DENND1A: variants seen among roughly 807,000 people sequenced by gnomAD.
DENND1A encodes the protein DENN domain containing 1A.
Under a neutral mutation model 113.7 loss-of-function variants are expected in DENND1A, and 51 were observed. The ratio of observed to expected loss-of-function variants is 0.45; its 90% CI spans 0.36 to 0.57. DENND1A has a LOEUF of 0.57. Among genes scored for constraint, DENND1A ranks in the 20% least tolerant of loss-of-function variants. The pLI, the probability that DENND1A is intolerant of heterozygous loss-of-function variation, is 0.00. For synonymous variants in DENND1A, 565 were observed against 570.8 expected (o/e 0.99, Z 0.14); for missense variants, 1,258 against 1,395.9 (o/e 0.90, Z 1.57).
At chr9:123,432,786 C>T (rs370791177) in intron 19 of DENND1A, among the ~76,000 whole-genome samples, 1 of 152,242 alleles carries the variant, frequency 6.6e-6, no homozygotes, top group African/African-American at 2.4e-5. Flanking sequence ...CCCCATAGCC[C>T]CTTCTTTCCA....
intron 2 of DENND1A, among the ~76,000 whole-genome samples, chr9:123,808,183 GC>G (rs1477651241): frequency 6.6e-6 from 1 of 152,016 alleles, no homozygotes; most frequent in East Asian, 1.9e-4. Context: ...CTGAGATCAT[GC>G]CATTGTACCC....
intron 13 of DENND1A, among the ~76,000 whole-genome samples, chr9:123,530,447 A>C (rs148144946): frequency 2.0e-4 from 31 of 152,322 alleles, no homozygotes; most frequent in African/African-American, 5.5e-4. Flanking sequence ...TCATACCCAG[A>C]TAAACTATCC....
chr9:123,487,704 C>CT (rs1245104554), intron 13 of DENND1A, among the ~76,000 whole-genome samples: 1 of 152,096 alleles, frequency 6.6e-6, no homozygotes, highest in Non-Finnish European at 1.5e-5. Flanking sequence ...TACACAATGT[C>CT]CTGCAGAATC....
intron 11 of DENND1A, 49 bp from the exon 12 acceptor site, chr9:123,583,319 A>G (rs779506395): frequency 7.2e-7 from 1 of 1,392,926 alleles, no homozygotes; most frequent in South Asian, 1.2e-5. Flanking sequence ...GGTGCCATCA[A>G]GACACACTTC....
At chr9:123,609,401 G>T (rs749723653) in intron 11 of DENND1A, 35 bp downstream of exon 11, 1 of 1,609,002 alleles carries the variant, frequency 6.2e-7, no homozygotes, top group Non-Finnish European at 8.5e-7. Flanking sequence ...AAAGCCCCAG[G>T]TAGAGCCATC....
In DENND1A at chr9:123,861,033, A is replaced by C. The variant is rs193027493; in HGVS notation, c.88+17918T>G. Among the ~76,000 whole-genome samples the C allele has an allele frequency of 4.7e-4, 72 of 152,342 alleles. 1 individual carries two copies. Among genetic ancestry groups the C allele is most frequent in the African/African-American group, 1.6e-3 (65 of 41,578 alleles). On this transcript the variant is annotated intron_variant, in intron 2 of 23. Coordinates refer to ENST00000394215, the MANE Select transcript of DENND1A (RefSeq NM_001352964.2). The stretch of plus-strand genomic sequence containing the variant: ...GGAAGGGGAGTTTCATCTGGCCTTA[A>C]ACTGCAAAGTTCATGTCTAATTTGA...
chr9:123,850,157 T>C (rs1843128177), intron 2 of DENND1A, among the ~76,000 whole-genome samples: 1 of 152,092 alleles, frequency 6.6e-6, no homozygotes, highest in Non-Finnish European at 1.5e-5. Flanking sequence ...CGACTGGGGG[T>C]AAAATGCTAT....
At chr9:123,692,720 A>T (rs1589690718) in intron 5 of DENND1A, among the ~76,000 whole-genome samples, 1 of 152,232 alleles carries the variant, frequency 6.6e-6, no homozygotes. Context: ...AAACATATGG[A>T]TGGTAACATT....
At chr9:123,410,973 T>G (rs1020030493) in intron 20 of DENND1A, among the ~76,000 whole-genome samples, 4 of 152,094 alleles carry the variant, frequency 2.6e-5, no homozygotes, top group African/African-American at 9.7e-5. Context: ...CACTGATGCT[T>G]AACACGGGAC....
chr9:123,662,423 T>C (rs1207725044), intron 8 of DENND1A, among the ~76,000 whole-genome samples: 1 of 152,032 alleles, frequency 6.6e-6, no homozygotes, highest in Non-Finnish European at 1.5e-5. Context: ...ATTAGCCAGG[T>C]GTGGTGGTGT....
At chr9:123,448,548 C>A (rs1380402286) in intron 18 of DENND1A, among the ~76,000 whole-genome samples, 5 of 152,190 alleles carry the variant, frequency 3.3e-5, no homozygotes, top group South Asian at 2.1e-4. Flanking sequence ...CCGCTCCCTG[C>A]CACTCCATTT....
At chr9:123,414,338 GCCTCC>G in intron 19 of DENND1A, 1 of 1,412,110 alleles carries the variant, frequency 7.1e-7, no homozygotes, top group Non-Finnish European at 9.2e-7. Flanking sequence ...AGGTTTCCCT[GCCTCC>G]AGCCTCTCCC....
chr9:123,896,724 A>C (rs1850815430), intron 1 of DENND1A, among the ~76,000 whole-genome samples: 1 of 152,216 alleles, frequency 6.6e-6, no homozygotes, highest in African/African-American at 2.4e-5. Context: ...TCAAAATAAG[A>C]ATGAATAACT....
chr9:123,656,892 T>C (rs1001727009), intron 8 of DENND1A, among the ~76,000 whole-genome samples: 6 of 152,240 alleles, frequency 3.9e-5, no homozygotes, highest in Admixed American at 3.3e-4. Flanking sequence ...AGTAAGTTTT[T>C]AGGCTTGAGG....
At chr9:123,725,290 G>C (rs1046674791) in intron 5 of DENND1A, among the ~76,000 whole-genome samples, 1 of 152,292 alleles carries the variant, frequency 6.6e-6, no homozygotes, top group Non-Finnish European at 1.5e-5. Flanking sequence ...AATTTATGAA[G>C]CCTTTTAAAA....
intron 13 of DENND1A, among the ~76,000 whole-genome samples, chr9:123,531,554 T>TACACACACACACAC (rs57819030): frequency 2.5e-4 from 26 of 103,190 alleles, no homozygotes; most frequent in African/African-American, 8.1e-4. Context: ...CCTCTCTCTC[T>TACACACACACACAC]ACACACACAC....
intron 12 of DENND1A, among the ~76,000 whole-genome samples, chr9:123,579,093 G>A (rs1171122953): frequency 6.6e-6 from 1 of 152,124 alleles, no homozygotes; most frequent in African/African-American, 2.4e-5. Flanking sequence ...AAACAGGGGG[G>A]TATCATGAAG....
At chr9:123,808,811 A>G (rs1030762119) in intron 2 of DENND1A, among the ~76,000 whole-genome samples, 4 of 152,176 alleles carry the variant, frequency 2.6e-5, no homozygotes, top group Admixed American at 6.5e-5. Context: ...CTCAGGTTCT[A>G]TAATACTTCC....
intron 13 of DENND1A, among the ~76,000 whole-genome samples, chr9:123,520,249 G>C (rs2054287054): frequency 1.3e-5 from 2 of 151,716 alleles, no homozygotes; most frequent in Admixed American, 1.3e-4. Flanking sequence ...CTGAGTTCAG[G>C]AGTTCAAGAC....
Sources: allele counts gnomAD v4.1 joint callset (sites outside exome capture counted in the v4.1 genomes callset), GRCh38; gene constraint gnomAD v4.1.1; transcripts MANE v1.5; gene names NCBI Gene and HGNC (gene_info 2026-07-23, HGNC 2026-07-21).